UBXN7: variants seen among roughly 807,000 people sequenced by gnomAD.
UBXN7 encodes UBX domain-containing protein 7.
UBXN7 carries 9 observed loss-of-function variants against 58.0 expected under a neutral mutation model. That is an observed-to-expected ratio of 0.16 (90% CI 0.09 to 0.27). The LOEUF (loss-of-function observed/expected upper bound fraction) is 0.27. Ranked by LOEUF, UBXN7 falls within the 10% of genes least tolerant of loss-of-function variation. The pLI, the probability that UBXN7 is intolerant of heterozygous loss-of-function variation, is 1.00. For synonymous variants in UBXN7, 208 were observed against 205.0 expected (o/e 1.01, Z -0.12); for missense variants, 328 against 599.6 (o/e 0.55, Z 4.73).
intron 1 of UBXN7, chr3:196,414,810 C>A (rs1383300042): frequency 6.6e-6 from 1 of 152,188 alleles, no homozygotes; most frequent in African/African-American, 2.4e-5. Flanking sequence ...TTTCTCATCC[C>A]AGTTACATTC....
intron 2 of UBXN7, among the ~76,000 whole-genome samples, chr3:196,403,586 TTC>T (rs1341584435): frequency 1.3e-5 from 2 of 152,122 alleles, no homozygotes; most frequent in Admixed American, 6.5e-5. Flanking sequence ...CTACCTTAAA[TTC>T]TGTCAGAAAA....
chr3:196,393,012 T>C (rs970545369), intron 4 of UBXN7, among the ~76,000 whole-genome samples: 2 of 148,604 alleles, frequency 1.3e-5, no homozygotes, highest in Non-Finnish European at 3.1e-5. Context: ...CAAGGGTTTC[T>C]CATATATCCT....
chr3:196,351,922 G>A lies in UBXN7; in HGVS notation c.*4763C>T, dbSNP rs1027216455. The A allele has an allele frequency of 2.0e-4, 31 of 152,098 alleles. No homozygotes were observed. The highest frequency in any genetic ancestry group is 4.3e-4 in the Non-Finnish European group (29 of 68,024). 9.4% of individuals were successfully genotyped at this position (152,098 alleles called of 1,614,324 possible). Reference sequence around the variant, plus strand: ...TGCGAGCTAGGAATCTTTACTCCGGGGGATCAATAGTGAGATCCCCGCAAG... The same window carrying A: ...TGCGAGCTAGGAATCTTTACTCCGGAGGATCAATAGTGAGATCCCCGCAAG... On this transcript the variant is annotated 3_prime_UTR_variant, in exon 11 of 11. Transcript: ENST00000296328.
intron 1 of UBXN7, among the ~76,000 whole-genome samples, chr3:196,416,665 GT>G (rs1007640249): frequency 2.0e-4 from 31 of 152,034 alleles, no homozygotes; most frequent in African/African-American, 5.6e-4. Flanking sequence ...CCTAAGTGCA[GT>G]TTTTTTCCAC....
chr3:196,429,358 T>C lies in UBXN7; in HGVS notation c.73+2969A>G, dbSNP rs1232839116. The stretch of plus-strand genomic sequence containing the variant: ...AAAAAAAACATCAGTCATTATTTCA[T>C]ACTCACTGAATCAGAGAGAGATCTG... On this transcript the variant is annotated intron_variant, in intron 1 of 10. Transcript: ENST00000296328. 2.0e-5 allele frequency among the ~76,000 whole-genome samples: 3 copies of C among 152,114 alleles called. No homozygotes were observed. In the East Asian group the frequency reaches 5.8e-4, roughly 29 times the overall value.
In UBXN7 at chr3:196,350,381, G is replaced by A. The variant is rs1190454462; in HGVS notation, c.*6304C>T. The A allele has an allele frequency of 6.6e-6, 1 of 152,088 alleles. No homozygotes were observed. Among genetic ancestry groups the A allele is most frequent in the Non-Finnish European group, 1.5e-5 (1 of 68,032 alleles). 9.4% of individuals were successfully genotyped at this position (152,088 alleles called of 1,614,324 possible). On this transcript the variant is annotated 3_prime_UTR_variant, in exon 11 of 11. Transcript: ENST00000296328. ...AACCAGAGAATTCTCCTTAACTAGGGAGAAAATGAGCTATAAAAGTAAGTT... is the reference window on the plus strand; with the variant it reads ...AACCAGAGAATTCTCCTTAACTAGGAAGAAAATGAGCTATAAAAGTAAGTT...
intron 3 of UBXN7, among the ~76,000 whole-genome samples, chr3:196,399,286 G>C (rs1577461475): frequency 6.6e-6 from 1 of 152,074 alleles, no homozygotes; most frequent in East Asian, 1.9e-4. Flanking sequence ...CATTATTAAA[G>C]AAAACTGCTT....
At chr3:196,369,580 C>T (rs9860931) in intron 6 of UBXN7, 69 bp from the exon 7 acceptor site, 582,580 of 1,081,204 alleles carry the variant, frequency 0.54, 160,485 homozygotes, top group East Asian at 0.91. Flanking sequence ...CCTTCTTATA[C>T]ACCAACATCA....
rs1239314941 is a variant in UBXN7 at position 196,355,976 on chromosome 3, A to T, written c.*709T>A. On this transcript the variant is annotated 3_prime_UTR_variant, in exon 11 of 11. Coordinates refer to ENST00000296328, the MANE Select transcript of UBXN7 (RefSeq NM_015562.2). ...GTAATAAGGAAAACTGTCTCAGGTT[A>T]GGACAATGAAAGTCACCCCATGCTA... 6.6e-6 allele frequency: 1 copy of T among 152,592 alleles called. No homozygotes were observed. Among genetic ancestry groups the T allele is most frequent in the Admixed American group, 6.5e-5 (1 of 15,286 alleles). 9.5% of individuals were successfully genotyped at this position (152,592 alleles called of 1,614,324 possible). A position where few individuals can be genotyped will look rare whatever the true frequency, so the allele number is the denominator to read the frequency against.
intron 5 of UBXN7, among the ~76,000 whole-genome samples, chr3:196,376,934 TACC>T (rs1729046592): frequency 6.6e-6 from 1 of 151,340 alleles, no homozygotes; most frequent in Non-Finnish European, 1.5e-5. Flanking sequence ...TAATCCAGGC[TACC>T]TGGGGGACTA....
intron 3 of UBXN7, among the ~76,000 whole-genome samples, chr3:196,395,274 A>G (rs549894952): frequency 6.6e-6 from 1 of 152,208 alleles, no homozygotes; most frequent in Non-Finnish European, 1.5e-5. Flanking sequence ...AGAACTACCG[A>G]GTAAAAGGCA....
At chr3:196,399,079 A>T (rs910699955) in intron 3 of UBXN7, among the ~76,000 whole-genome samples, 3 of 152,244 alleles carry the variant, frequency 2.0e-5, no homozygotes, top group Non-Finnish European at 4.4e-5. Flanking sequence ...AAGTAAAAAG[A>T]ATGTTCCATG....
chr3:196,387,925 C>T (rs1729460405), intron 5 of UBXN7, among the ~76,000 whole-genome samples: 1 of 152,086 alleles, frequency 6.6e-6, no homozygotes, highest in African/African-American at 2.4e-5. Flanking sequence ...CCATTTGACC[C>T]AGCAATCCTA....
rs1729592774 is a variant in UBXN7, at chr3:196,391,884, TATC to T, written c.394_396del (p.Asp132del). ...AGATCTGCAAGGGTAGTTAATTTCT[TATC>T]GATAGCTCCTCCATTTCTTAATTCT... On this transcript the variant is annotated inframe_deletion, in exon 5 of 11. Transcript: ENST00000296328. 3 of 1,612,698 alleles carry T rather than the reference TATC, an allele frequency of 1.9e-6. No homozygotes were observed. The highest frequency in any genetic ancestry group is 2.5e-6 in the Non-Finnish European group (3 of 1,179,664).
At position 196,351,661 on chromosome 3, in the gene UBXN7, T is replaced by C. The variant is rs1365635030; in HGVS notation, c.*5024A>G. 6.6e-6 allele frequency: 1 copy of C among 152,192 alleles called. No individual in the cohort carries two copies. Among genetic ancestry groups the C allele is most frequent in the Non-Finnish European group, 1.5e-5 (1 of 68,034 alleles). 9.4% of individuals were successfully genotyped at this position (152,192 alleles called of 1,614,324 possible). A position where few individuals can be genotyped will look rare whatever the true frequency, so the allele number is the denominator to read the frequency against. ...GCTGAGAACTATTAATCTAGTCCAA[T>C]TATCTCATTTTTCAGACGAGAAACC... On this transcript the variant is annotated 3_prime_UTR_variant, in exon 11 of 11. Coordinates refer to ENST00000296328, the MANE Select transcript of UBXN7 (RefSeq NM_015562.2).
At chr3:196,373,090 TTTTAC>T (rs1728891913) in intron 5 of UBXN7, among the ~76,000 whole-genome samples, 1 of 152,176 alleles carries the variant, frequency 6.6e-6, no homozygotes. Context: ...GGTGTGTATA[TTTTAC>T]TTTGTTTTCT....
chr3:196,385,191 A>G (rs1250345487), intron 5 of UBXN7, among the ~76,000 whole-genome samples: 14 of 152,054 alleles, frequency 9.2e-5, no homozygotes, highest in Non-Finnish European at 2.1e-4. Context: ...TTTGGTGGAG[A>G]CGGGGTTTCG....
At chr3:196,369,543 AGCCTCT>A in intron 6 of UBXN7, 32 bp from the exon 7 acceptor site, 1 of 1,554,054 alleles carries the variant, frequency 6.4e-7, no homozygotes, top group Non-Finnish European at 8.8e-7. Flanking sequence ...AAAAAAAGTC[AGCCTCT>A]AAGAAAAGAA....
rs1728719819 is a variant in UBXN7, at chr3:196,368,087, C to T, written c.775G>A (p.Gly259Ser). Residue 259 changes from glycine to serine, a missense_variant, in exon 8 of 11, where the codon GGT (glycine) becomes AGT (serine). By Grantham distance (56) the Gly-to-Ser change is moderately conservative. Transcript: ENST00000296328. ...AGTCCATCCAGTTGTCCATGTTCACCCAGAAATCCCGTCACTTGGTCCAAG... is the reference window on the plus strand; with the variant it reads ...AGTCCATCCAGTTGTCCATGTTCACTCAGAAATCCCGTCACTTGGTCCAAG... ...SFLDQVTGFLGEHGQLDGLSS... is the reference protein window; with the variant it reads ...SFLDQVTGFLSEHGQLDGLSS... 1 of 1,613,908 alleles carries T rather than the reference C, an allele frequency of 6.2e-7. No individual in the cohort carries two copies. Among genetic ancestry groups the T allele is most frequent in the African/African-American group, 1.3e-5 (1 of 74,904 alleles).
Sources: allele counts gnomAD v4.1 joint callset (sites outside exome capture counted in the v4.1 genomes callset), GRCh38; gene constraint gnomAD v4.1.1; transcripts MANE v1.5; gene names NCBI Gene and HGNC (gene_info 2026-07-23, HGNC 2026-07-21).